Variants in FRMD3 observed in about 807,000 individuals in gnomAD.
The protein encoded by FRMD3 is FERM domain-containing protein 3.
Under a neutral mutation model 70.2 loss-of-function variants are expected in FRMD3, and 33 were observed. That is an observed-to-expected ratio of 0.47 (90% confidence interval 0.36 to 0.63). FRMD3 has a LOEUF of 0.63. Among genes scored for constraint, FRMD3 ranks in the 20% least tolerant of loss-of-function variants. The probability of loss-of-function intolerance (pLI) is 0.00; values close to 1 mark genes in which losing one functional copy is unlikely to be tolerated. For synonymous variants in FRMD3, 279 were observed against 255.9 expected, an observed-to-expected ratio of 1.09 and a Z score of -0.86; for missense variants, 632 against 711.4, an observed-to-expected ratio of 0.89 and a Z score of 1.27.
chr9:83,490,067 C>T (rs1383401559), intron 1 of FRMD3, among the ~76,000 whole-genome samples: 8 of 152,230 alleles, frequency 5.3e-5, no homozygotes, highest in Admixed American at 5.2e-4. Flanking sequence ...CTTTTCTGTT[C>T]TATCACCTTG....
At chr9:83,389,383 A>T (rs897916298) in intron 2 of FRMD3, among the ~76,000 whole-genome samples, 2 of 152,106 alleles carry the variant, frequency 1.3e-5, no homozygotes, top group East Asian at 3.9e-4. Context: ...TTCTAAGCAG[A>T]TGGGAGCAGC....
At position 83,289,891 on chromosome 9, in the gene FRMD3, GAAGT is replaced by G. The variant is rs572570459; in HGVS notation, c.1195+708_1195+711del. Among the ~76,000 whole-genome samples the G allele has an allele frequency of 1.3e-3, 199 of 152,316 alleles. 1 individual carries two copies. The highest frequency in any genetic ancestry group is 4.4e-3 in the African/African-American group (184 of 41,564). ...AAGCATTGTGGTGAGATTCTTCCCT[GAAGT>G]AAGGAGAGTCCTTAAAAACAAAGAT... On this transcript the variant is annotated intron_variant, in intron 13 of 13. Coordinates refer to ENST00000304195, the MANE Select transcript of FRMD3 (RefSeq NM_174938.6).
intron 1 of FRMD3, among the ~76,000 whole-genome samples, chr9:83,419,668 G>A (rs1438381205): frequency 6.7e-6 from 1 of 148,674 alleles, no homozygotes; most frequent in African/African-American, 2.6e-5. Context: ...TATTGAGTGT[G>A]TGTGTGTTTA....
chr9:83,336,009 C>T (rs72618135), intron 5 of FRMD3, among the ~76,000 whole-genome samples: 10,615 of 152,188 alleles, frequency 0.07, 552 homozygotes, highest in East Asian at 0.22. Context: ...GTACTAGATG[C>T]TAGCAGCAGA....
At chr9:83,343,388 C>A in intron 4 of FRMD3, 101 bp from the exon 5 acceptor site, 1 of 789,190 alleles carries the variant, frequency 1.3e-6, no homozygotes, top group Non-Finnish European at 2.2e-6. Flanking sequence ...GAGCTTTTCC[C>A]AGCTCTAGAG....
rs539396863 is a variant in FRMD3 at position 83,489,015 on chromosome 9, T to TGTGC, written c.147+49069_147+49070insGCAC. ...GTGTGTGTGTGTGTGTGTGTGTGTG[T>TGTGC]GCTTGTGTGTGCGCACCTACACATG... On this transcript the variant is annotated intron_variant, in intron 1 of 13. Coordinates refer to ENST00000304195, the MANE Select transcript of FRMD3 (RefSeq NM_174938.6). Among the ~76,000 whole-genome samples, 793 of 131,608 alleles carry TGTGC rather than the reference T, an allele frequency of 6.0e-3. 3 individuals carry two copies. Among genetic ancestry groups the TGTGC allele is most frequent in the Middle Eastern group, 0.016 (4 of 256 alleles). 86.3% of individuals were successfully genotyped at this position (131,608 alleles called of 152,430 possible).
Position 83,292,176 on chromosome 9 carries a change from T to TG in FRMD3, c.1071-1450dup, listed in dbSNP as rs1834448164. On this transcript the variant is annotated intron_variant, in intron 12 of 13. Coordinates refer to ENST00000304195, the MANE Select transcript of FRMD3 (RefSeq NM_174938.6). Reference sequence around the variant, plus strand: ...TTAATAAATACTTTTTTTTTTTTTTTGAGACAGAGTCTCGCTCTGTCACCT... The same window carrying TG: ...TTAATAAATACTTTTTTTTTTTTTTTGGAGACAGAGTCTCGCTCTGTCACCT... Among the ~76,000 whole-genome samples, 3 of 151,442 alleles carry TG rather than the reference T, an allele frequency of 2.0e-5. 1 individual carries two copies. The highest frequency in any genetic ancestry group is 2.0e-4 in the Admixed American group (3 of 15,194).
At chr9:83,528,767 A>G (rs1243901634) in intron 1 of FRMD3, among the ~76,000 whole-genome samples, 2 of 152,090 alleles carry the variant, frequency 1.3e-5, no homozygotes, top group East Asian at 1.9e-4. Flanking sequence ...GGCTCATGCA[A>G]TCTGCTCACT....
chr9:83,409,296 G>C (rs1276010095), intron 1 of FRMD3, among the ~76,000 whole-genome samples: 1 of 152,114 alleles, frequency 6.6e-6, no homozygotes, highest in Non-Finnish European at 1.5e-5. Context: ...TTCAAAAATG[G>C]GATCAGCTCC....
At chr9:83,351,927 T>G (rs1224556956) in intron 3 of FRMD3, among the ~76,000 whole-genome samples, 2 of 152,206 alleles carry the variant, frequency 1.3e-5, no homozygotes, top group African/African-American at 4.8e-5. Context: ...TGGAGAGATT[T>G]TTAATTTATT....
intron 10 of FRMD3, among the ~76,000 whole-genome samples, chr9:83,306,281 C>G (rs1399106832): frequency 1.3e-5 from 2 of 152,178 alleles, no homozygotes; most frequent in Non-Finnish European, 2.9e-5. Context: ...CTGTATCACC[C>G]CCTCCCATAG....
intron 13 of FRMD3, among the ~76,000 whole-genome samples, chr9:83,267,856 T>G (rs1833345276): frequency 6.6e-6 from 1 of 152,242 alleles, no homozygotes; most frequent in Non-Finnish European, 1.5e-5. Flanking sequence ...TTTCAAGTGT[T>G]CAGTAGCTAT....
Position 83,524,933 on chromosome 9 carries a change from G to A in FRMD3, c.147+13152C>T, listed in dbSNP as rs576942035. Among the ~76,000 whole-genome samples the A allele has an allele frequency of 5.3e-5, 8 of 152,140 alleles. No homozygotes were observed. In the South Asian group the frequency reaches 1.0e-3, roughly 20 times the overall value. On this transcript the variant is annotated intron_variant, in intron 1 of 13. Transcript: ENST00000304195. ...AACAATGGACAGTAATATGTGTATCGACCGGCCAAAAAATAACATTAGCTA... is the reference window on the plus strand; with the variant it reads ...AACAATGGACAGTAATATGTGTATCAACCGGCCAAAAAATAACATTAGCTA...
At chr9:83,266,872 C>T in intron 13 of FRMD3, 1 of 857,558 alleles carries the variant, frequency 1.2e-6, no homozygotes, top group Non-Finnish European at 1.8e-6. Context: ...TGCTTTTCTC[C>T]CTTCCTCTCT....
At position 83,246,375 on chromosome 9, in the gene FRMD3, G is replaced by C; in HGVS notation, c.*1543C>G. ...ACGTTGCTGATGGTACAATGCTCTAGTACCTTCCTTGATACCATTAAATTG... is the reference window on the plus strand; with the variant it reads ...ACGTTGCTGATGGTACAATGCTCTACTACCTTCCTTGATACCATTAAATTG... On this transcript the variant is annotated 3_prime_UTR_variant, in exon 14 of 14. Coordinates refer to ENST00000304195, the MANE Select transcript of FRMD3 (RefSeq NM_174938.6). 2.0e-6 allele frequency: 2 copies of C among 984,514 alleles called. No individual in the cohort carries two copies. The highest frequency in any genetic ancestry group is 2.4e-6 in the Non-Finnish European group (2 of 829,254). 61.0% of individuals were successfully genotyped at this position (984,514 alleles called of 1,614,324 possible).
At chr9:83,501,863 A>G (rs1448354989) in intron 1 of FRMD3, among the ~76,000 whole-genome samples, 1 of 152,206 alleles carries the variant, frequency 6.6e-6, no homozygotes, top group African/African-American at 2.4e-5. Context: ...TAGAGAGGGA[A>G]AAGGAAAGCC....
chr9:83,298,139 G>A (rs1024128941), intron 12 of FRMD3, among the ~76,000 whole-genome samples: 6 of 152,234 alleles, frequency 3.9e-5, no homozygotes, highest in South Asian at 2.1e-4. Flanking sequence ...GAGGCAACAC[G>A]TTGAGAATGC....
intron 1 of FRMD3, among the ~76,000 whole-genome samples, chr9:83,409,678 T>C (rs986489537): frequency 6.6e-6 from 1 of 152,258 alleles, no homozygotes; most frequent in Admixed American, 6.5e-5. Context: ...ATTAGCTCGT[T>C]AATACAGTCT....
chr9:83,396,846 C>G (rs1825822852), intron 1 of FRMD3, among the ~76,000 whole-genome samples: 1 of 152,148 alleles, frequency 6.6e-6, no homozygotes, highest in East Asian at 1.9e-4. Flanking sequence ...GTTTGTTGCA[C>G]CCAACATTTT....
Sources: allele counts gnomAD v4.1 joint callset (sites outside exome capture counted in the v4.1 genomes callset), GRCh38; gene constraint gnomAD v4.1.1; transcripts MANE v1.5; gene names NCBI Gene and HGNC (gene_info 2026-07-23, HGNC 2026-07-21).